The following RARB variants were observed in gnomAD, a reference collection of about 807,000 sequenced individuals.
RARB encodes HBV-activated protein.
In RARB, 17 loss-of-function variants were observed where a neutral mutation model predicts 51.9. The ratio of observed to expected loss-of-function variants is 0.33; its 90% CI spans 0.22 to 0.49. The LOEUF is 0.49. Among genes scored for constraint, RARB ranks in the 20% least tolerant of loss-of-function variants. The pLI is 0.99. For missense variants in RARB, 369 were observed against 550.8 expected (o/e 0.67, Z 3.30); for synonymous variants, 215 against 195.4 (o/e 1.10, Z -0.84).
intron 3 of RARB, among the ~76,000 whole-genome samples, chr3:25,081,831 C>T: frequency 6.6e-6 from 1 of 150,742 alleles, no homozygotes; most frequent in African/African-American, 2.4e-5. Flanking sequence ...TGGGGTTTCA[C>T]CATGTTGGCC....
intron 2 of RARB, among the ~76,000 whole-genome samples, chr3:25,469,087 T>C (rs2125565612): frequency 6.6e-6 from 1 of 152,330 alleles, no homozygotes; most frequent in African/African-American, 2.4e-5. Flanking sequence ...GCTAATTTTG[T>C]CCATTTTTCT....
At chr3:25,292,469 A>C (rs996441046) in intron 5 of RARB, among the ~76,000 whole-genome samples, 1 of 152,136 alleles carries the variant, frequency 6.6e-6, no homozygotes, top group African/African-American at 2.4e-5. Flanking sequence ...TCTTCCTTTG[A>C]GGTGGGAAGA....
intron 4 of RARB, among the ~76,000 whole-genome samples, chr3:25,133,748 G>A (rs369399999): frequency 6.6e-6 from 1 of 151,926 alleles, no homozygotes; most frequent in East Asian, 1.9e-4. Context: ...TGGCAAAGCT[G>A]TACACACATA....
chr3:25,203,590 T>C (rs1015626132), intron 5 of RARB, among the ~76,000 whole-genome samples: 4 of 152,244 alleles, frequency 2.6e-5, no homozygotes, highest in Non-Finnish European at 5.9e-5. Flanking sequence ...TTTCCATGTT[T>C]AGTGCTTCCT....
chr3:25,382,830 C>A (rs1706670235), intron 5 of RARB, among the ~76,000 whole-genome samples: 1 of 152,138 alleles, frequency 6.6e-6, no homozygotes, highest in Admixed American at 6.5e-5. Flanking sequence ...GGCACTCCAG[C>A]CTGGGTGACA....
chr3:25,418,704 G>GA (rs1707775337), intron 5 of RARB, among the ~76,000 whole-genome samples: 1 of 152,130 alleles, frequency 6.6e-6, no homozygotes, highest in Admixed American at 6.5e-5. Flanking sequence ...TCACTCCACT[G>GA]AGGACAAGTA....
At chr3:25,043,518 A>C (rs934924879) in intron 2 of RARB, among the ~76,000 whole-genome samples, 15 of 152,258 alleles carry the variant, frequency 9.9e-5, no homozygotes, top group Non-Finnish European at 2.1e-4. Flanking sequence ...AATTTTAAGA[A>C]GGAAAAATTT....
intron 4 of RARB, among the ~76,000 whole-genome samples, chr3:25,166,522 C>T (rs1355399486): frequency 2.0e-5 from 3 of 152,162 alleles, no homozygotes; most frequent in Non-Finnish European, 4.4e-5. Context: ...TTTCCCCACA[C>T]CAAGTTCTAA....
intron 1 of RARB, among the ~76,000 whole-genome samples, chr3:25,457,953 A>C (rs1293751957): frequency 2.0e-5 from 3 of 152,160 alleles, no homozygotes; most frequent in African/African-American, 7.2e-5. Flanking sequence ...TCAGTTGTTG[A>C]AGCACATGGA....
intron 2 of RARB, among the ~76,000 whole-genome samples, chr3:25,003,821 T>C (rs1193302565): frequency 6.6e-6 from 1 of 152,142 alleles, no homozygotes; most frequent in African/African-American, 2.4e-5. Context: ...CATGGAAGTT[T>C]ACTTCCATTT....
chr3:25,140,441 G>A (rs1700091333), intron 4 of RARB, among the ~76,000 whole-genome samples: 1 of 152,148 alleles, frequency 6.6e-6, no homozygotes, highest in African/African-American at 2.4e-5. Context: ...AATAGCAAGA[G>A]AGCAAGAATC....
rs542816128 is a variant in RARB, at chr3:25,196,840, G to A, written c.178+22265G>A. ...GAGCAGTGATAATGAGCATTTTTTC[G>A]TGTGTCTTTTGGCTGCATAAATGTC... On this transcript the variant is annotated intron_variant, in intron 5 of 11. Coordinates refer to the RARB transcript ENST00000383772. 1.1e-3 allele frequency among the ~76,000 whole-genome samples: 170 copies of A among 152,058 alleles called. 1 individual carries two copies. Among genetic ancestry groups the A allele is most frequent in the Non-Finnish European group, 1.7e-3 (118 of 67,936 alleles).
At chr3:25,105,170 CT>C (rs1328457764) in intron 3 of RARB, among the ~76,000 whole-genome samples, 2 of 151,952 alleles carry the variant, frequency 1.3e-5, no homozygotes, top group East Asian at 3.9e-4. Context: ...ACAGTTTTTA[CT>C]TTTGCTCCCC....
intron 5 of RARB, among the ~76,000 whole-genome samples, chr3:25,251,739 T>C (rs1702726535): frequency 6.6e-6 from 1 of 152,196 alleles, no homozygotes; most frequent in African/African-American, 2.4e-5. Flanking sequence ...TTGTAAGAAT[T>C]TTTTATACAT....
At chr3:25,594,351 T>G (rs573623143) in intron 6 of RARB, among the ~76,000 whole-genome samples, 169 bp from the exon 7 acceptor site, 2 of 152,288 alleles carry the variant, frequency 1.3e-5, no homozygotes, top group African/African-American at 4.8e-5. Flanking sequence ...GCAGTTTTTT[T>G]TTGTTTTTCA....
intron 5 of RARB, among the ~76,000 whole-genome samples, chr3:25,382,970 C>T (rs558984136): frequency 6.6e-6 from 1 of 152,274 alleles, no homozygotes; most frequent in South Asian, 2.1e-4. Context: ...GGCAAACTTC[C>T]CAGAAATCCT....
intron 3 of RARB, among the ~76,000 whole-genome samples, chr3:25,527,704 C>T (rs773254716): frequency 2.3e-4 from 35 of 152,048 alleles, no homozygotes; most frequent in Middle Eastern, 3.2e-3. Context: ...TTGAGGTTTT[C>T]GAGGGTAGAT....
At chr3:25,091,036 G>A (rs1159373608) in intron 3 of RARB, among the ~76,000 whole-genome samples, 1 of 152,170 alleles carries the variant, frequency 6.6e-6, no homozygotes, top group Non-Finnish European at 1.5e-5. Flanking sequence ...TATTTAATTG[G>A]GGAATGGGTT....
chr3:24,851,443 A>AT (rs1702555131), intron 1 of RARB, among the ~76,000 whole-genome samples: 1 of 151,378 alleles, frequency 6.6e-6, no homozygotes, highest in African/African-American at 2.4e-5. Context: ...AAAAAAAAAA[A>AT]GGAAATTGTG....
Sources: allele counts gnomAD v4.1 joint callset (sites outside exome capture counted in the v4.1 genomes callset), GRCh38; gene constraint gnomAD v4.1.1; transcripts MANE v1.5; gene names NCBI Gene and HGNC (gene_info 2026-07-23, HGNC 2026-07-21).